Variants in SLC24A2 observed in about 807,000 individuals in gnomAD.
SLC24A2 encodes the protein solute carrier family 24 member 2, also known as sodium/potassium/calcium exchanger 2.
Under a neutral mutation model 62.0 loss-of-function variants are expected in SLC24A2, and 36 were observed. The observed-to-expected ratio is 0.58, with a 90% confidence interval of 0.44 to 0.77. SLC24A2 has a LOEUF of 0.77. SLC24A2 is among the 30% of genes least tolerant of loss of function. The probability of loss-of-function intolerance (pLI) is 0.00; values close to 1 mark genes in which losing one functional copy is unlikely to be tolerated. For missense variants in SLC24A2, 846 were observed against 817.9 expected (o/e 1.03, Z -0.42); for synonymous variants, 358 against 294.0 (o/e 1.22, Z -2.23).
At chr9:20,061,173 G>C in the SLC24A2 span, among the ~76,000 whole-genome samples, 11,742 of 151,970 alleles carry the variant, frequency 0.077, 1,043 homozygotes, top group East Asian at 0.46. Flanking sequence ...GAAAAACAAA[G>C]TATACTTACT....
the SLC24A2 span, among the ~76,000 whole-genome samples, chr9:20,303,941 G>A: frequency 6.6e-6 from 1 of 152,154 alleles, no homozygotes; most frequent in African/African-American, 2.4e-5. Context: ...GACTTGGGAA[G>A]AAAGTACCTT....
At chr9:20,208,920 A>C in the SLC24A2 span, among the ~76,000 whole-genome samples, 1 of 152,238 alleles carries the variant, frequency 6.6e-6, no homozygotes, top group South Asian at 2.1e-4. Flanking sequence ...CTGGCCAGTC[A>C]GCAACGTGGA....
intron 2 of SLC24A2, among the ~76,000 whole-genome samples, chr9:19,626,115 A>T (rs1306642467): frequency 2.6e-5 from 4 of 152,234 alleles, no homozygotes; most frequent in Admixed American, 2.6e-4. Context: ...GCTATAAATC[A>T]GTCCCAAGTC....
chr9:19,568,326 T>C (rs2132830336), intron 7 of SLC24A2, among the ~76,000 whole-genome samples: 1 of 152,328 alleles, frequency 6.6e-6, no homozygotes, highest in Non-Finnish European at 1.5e-5. Flanking sequence ...TCACTTTCTA[T>C]GACCAAGTCA....
intron 2 of SLC24A2, among the ~76,000 whole-genome samples, chr9:19,745,361 T>C (rs1425781493): frequency 6.6e-6 from 1 of 152,156 alleles, no homozygotes; most frequent in African/African-American, 2.4e-5. Flanking sequence ...CACCACTGAA[T>C]ACTCTGGAAT....
At chr9:19,575,906 T>C (rs1362461979) in intron 6 of SLC24A2, among the ~76,000 whole-genome samples, 2 of 152,226 alleles carry the variant, frequency 1.3e-5, no homozygotes. Flanking sequence ...TTTACATTTT[T>C]ATAGTACAAA....
chr9:20,089,201 G>A, the SLC24A2 span, among the ~76,000 whole-genome samples: 1 of 152,124 alleles, frequency 6.6e-6, no homozygotes, highest in Non-Finnish European at 1.5e-5. Flanking sequence ...ACCAGAAACT[G>A]GTCTGGACCC....
chr9:20,053,935 A>G, the SLC24A2 span, among the ~76,000 whole-genome samples: 3 of 133,794 alleles, frequency 2.2e-5, no homozygotes, highest in East Asian at 3.9e-4. Context: ...GTTTAGGTCC[A>G]TCTGGCACTG....
At chr9:20,161,040 G>A in the SLC24A2 span, among the ~76,000 whole-genome samples, 3 of 151,416 alleles carry the variant, frequency 2.0e-5, no homozygotes, top group Non-Finnish European at 4.4e-5. Flanking sequence ...AAAATGACAT[G>A]ACTTGGAGGA....
chr9:20,067,065 G>A, the SLC24A2 span, among the ~76,000 whole-genome samples: 2 of 151,954 alleles, frequency 1.3e-5, no homozygotes, highest in Non-Finnish European at 2.9e-5. Flanking sequence ...TGTTCTAGAT[G>A]GTATTTTTTA....
At chr9:19,822,106 T>C in the SLC24A2 span, among the ~76,000 whole-genome samples, 1 of 152,166 alleles carries the variant, frequency 6.6e-6, no homozygotes, top group Non-Finnish European at 1.5e-5. Context: ...TATTGTGTGC[T>C]GGAAGTTGTA....
At chr9:20,162,743 A>C in the SLC24A2 span, among the ~76,000 whole-genome samples, 7 of 152,006 alleles carry the variant, frequency 4.6e-5, no homozygotes, top group African/African-American at 9.6e-5. Context: ...AAAATACTGG[A>C]AAACCGAATC....
chr9:19,974,476 C>T, the SLC24A2 span, among the ~76,000 whole-genome samples: 3 of 152,260 alleles, frequency 2.0e-5, no homozygotes, highest in African/African-American at 7.2e-5. Context: ...TACAGTTTTG[C>T]CTGCTTTTGC....
the SLC24A2 span, among the ~76,000 whole-genome samples, chr9:19,941,588 TGTGA>T: frequency 1.3e-5 from 1 of 74,098 alleles, no homozygotes; most frequent in Non-Finnish European, 3.4e-5. Context: ...TGTGTGTGTG[TGTGA>T]GAGAGAGAGA....
chr9:19,739,645 G>A (rs957896827), intron 2 of SLC24A2, among the ~76,000 whole-genome samples: 10 of 152,076 alleles, frequency 6.6e-5, no homozygotes, highest in Non-Finnish European at 1.0e-4. Context: ...CCTATCTTAC[G>A]TCATAAACAA....
chr9:19,567,798 G>T (rs536366031), intron 7 of SLC24A2, among the ~76,000 whole-genome samples: 1 of 151,522 alleles, frequency 6.6e-6, no homozygotes, highest in South Asian at 2.1e-4. Context: ...ATTGGGAAAA[G>T]CTAGTGATCG....
At chr9:19,583,662 T>G (rs1397711271) in intron 5 of SLC24A2, among the ~76,000 whole-genome samples, 4 of 152,120 alleles carry the variant, frequency 2.6e-5, no homozygotes, top group Non-Finnish European at 2.9e-5. Flanking sequence ...ATGGCCCCAG[T>G]GGAACTGAGT....
the SLC24A2 span, among the ~76,000 whole-genome samples, chr9:20,082,691 G>A: frequency 6.6e-6 from 1 of 152,256 alleles, no homozygotes; most frequent in Admixed American, 6.5e-5. Flanking sequence ...AAGGAAAGTG[G>A]AAGATGCTCT....
chr9:19,997,584 G>A, the SLC24A2 span, among the ~76,000 whole-genome samples: 1 of 152,126 alleles, frequency 6.6e-6, no homozygotes, highest in Non-Finnish European at 1.5e-5. Flanking sequence ...GGAAACCCCA[G>A]TCACAGATCC....
Sources: gnomAD v4.1 joint callset for allele counts (sites outside exome capture counted in the v4.1 genomes callset) on GRCh38, gnomAD v4.1.1 for gene constraint, MANE v1.5 for transcripts, NCBI Gene and HGNC (gene_info 2026-07-23, HGNC 2026-07-21) for gene names.